WWOX: variants seen among roughly 807,000 people sequenced by gnomAD.
WWOX encodes the protein WW domain-containing oxidoreductase.
In WWOX, 69 loss-of-function variants were observed where a neutral mutation model predicts 46.2. The ratio of observed to expected loss-of-function variants is 1.49; its 90% CI spans 1.23 to 1.82. The LOEUF is 1.82. WWOX is among the 40% of genes most tolerant of loss of function. The pLI is 0.00. For missense variants in WWOX, 919 were observed against 542.6 expected, an observed-to-expected ratio of 1.69 and a Z score of -6.89; for synonymous variants, 359 against 202.6, an observed-to-expected ratio of 1.77 and a Z score of -6.56.
At chr16:78,464,320 G>A (rs1001149679) in intron 8 of WWOX, among the ~76,000 whole-genome samples, 3 of 151,334 alleles carry the variant, frequency 2.0e-5, no homozygotes, top group African/African-American at 7.3e-5. Context: ...GAGGAAAGAG[G>A]GGAAGGGAGG....
chr16:79,141,634 A>T (rs867804021), intron 8 of WWOX, among the ~76,000 whole-genome samples: 24 of 152,328 alleles, frequency 1.6e-4, no homozygotes, highest in African/African-American at 5.5e-4. Context: ...TTGGGGTGAA[A>T]ACACATGACA....
chr16:78,992,906 A>G (rs1163617779), intron 8 of WWOX, among the ~76,000 whole-genome samples: 3 of 151,774 alleles, frequency 2.0e-5, no homozygotes, highest in Admixed American at 1.3e-4. Context: ...TAGTTTATGA[A>G]AAAATATATC....
chr16:78,402,746 T>C (rs914280698), intron 6 of WWOX, among the ~76,000 whole-genome samples: 2 of 152,188 alleles, frequency 1.3e-5, no homozygotes, highest in African/African-American at 4.8e-5. Flanking sequence ...CTAAGTTGGG[T>C]TCAATTATTT....
chr16:78,440,509 C>T (rs370570048), intron 8 of WWOX, among the ~76,000 whole-genome samples: 2 of 152,138 alleles, frequency 1.3e-5, no homozygotes, highest in African/African-American at 4.8e-5. Context: ...CTGCCTGACT[C>T]GTAGTAGCAC....
chr16:78,339,239 T>C lies in WWOX; in HGVS notation c.517-47621T>C, dbSNP rs892432017. On this transcript the variant is annotated intron_variant, in intron 5 of 8. Coordinates refer to ENST00000566780, the MANE Select transcript of WWOX (RefSeq NM_016373.4). ...GTAGCATATCAAGATTATTTTTCTTTCCTGCACCTTATTTTTTCCCTGGAG... is the reference window on the plus strand; with the variant it reads ...GTAGCATATCAAGATTATTTTTCTTCCCTGCACCTTATTTTTTCCCTGGAG... 6.7e-5 allele frequency among the ~76,000 whole-genome samples: 8 copies of C among 119,832 alleles called. 1 individual carries two copies. Among genetic ancestry groups the C allele is most frequent in the African/African-American group, 2.2e-4 (8 of 35,562 alleles). The allele number at this position is 119,832 out of a possible 152,430, so 78.6% of individuals were successfully genotyped here.
At chr16:78,984,686 C>T (rs969314031) in intron 8 of WWOX, among the ~76,000 whole-genome samples, 4 of 152,162 alleles carry the variant, frequency 2.6e-5, no homozygotes, top group African/African-American at 9.7e-5. Context: ...AACCTTCTAC[C>T]AAAAATATCC....
chr16:78,429,513 G>T (rs959540878), intron 7 of WWOX, among the ~76,000 whole-genome samples: 1 of 152,138 alleles, frequency 6.6e-6, no homozygotes, highest in Non-Finnish European at 1.5e-5. Context: ...TGCCAAGAAG[G>T]GTTTCTGGAA....
intron 8 of WWOX, among the ~76,000 whole-genome samples, chr16:78,988,642 A>G (rs1043910737): frequency 6.6e-6 from 1 of 152,150 alleles, no homozygotes; most frequent in Admixed American, 6.5e-5. Flanking sequence ...GAAGTTACTG[A>G]TGTGTTCATA....
chr16:78,433,071 A>T (rs574751198), intron 8 of WWOX, among the ~76,000 whole-genome samples: 2 of 152,196 alleles, frequency 1.3e-5, no homozygotes, highest in African/African-American at 4.8e-5. Flanking sequence ...AAACTTTGAA[A>T]ATCTATTTTG....
At chr16:78,968,126 G>A (rs929014221) in intron 8 of WWOX, among the ~76,000 whole-genome samples, 3 of 7,426 alleles carry the variant, frequency 4.0e-4, no homozygotes, top group East Asian at 3.2e-3. Flanking sequence ...GTGGCACAGC[G>A]CGTGGTCCGT....
chr16:79,211,676 C>T lies in WWOX; in HGVS notation c.1125C>T (p.Tyr375=), dbSNP rs372703745. ...VPELEGLGGM[Y]FNNCCRCMPS... is the part of the protein sequence containing the mutation. Reference sequence around the variant, plus strand: ...AACTGGAGGGTCTGGGAGGGATGTACTTCAACAACTGCTGCCGCTGCATGC... The same window carrying T: ...AACTGGAGGGTCTGGGAGGGATGTATTTCAACAACTGCTGCCGCTGCATGC... The change falls in exon 9 of 9, where the codon TAC becomes TAT. Residue 375 remains tyrosine, a synonymous_variant. Transcript: ENST00000566780. 18 of 1,614,222 alleles carry T rather than the reference C, an allele frequency of 1.1e-5. No homozygotes were observed. In the African/African-American group the frequency reaches 1.7e-4, roughly 16 times the overall value.
At chr16:79,103,718 C>T (rs1450213899) in intron 8 of WWOX, among the ~76,000 whole-genome samples, 1 of 152,016 alleles carries the variant, frequency 6.6e-6, no homozygotes, top group African/African-American at 2.4e-5. Context: ...ATTATTAATC[C>T]TAGATATGTT....
At chr16:78,568,539 G>A (rs1024189069) in intron 8 of WWOX, among the ~76,000 whole-genome samples, 1 of 144,002 alleles carries the variant, frequency 6.9e-6, no homozygotes, top group Non-Finnish European at 1.5e-5. Flanking sequence ...GCAGTGGCCC[G>A]ATCCTGGGTC....
chr16:78,908,951 T>C (rs1297833154), intron 8 of WWOX, among the ~76,000 whole-genome samples: 1 of 152,240 alleles, frequency 6.6e-6, no homozygotes, highest in East Asian at 1.9e-4. Context: ...TAATTTCTAA[T>C]CTTGTGGCTA....
At chr16:78,215,474 T>C (rs1422004343) in intron 5 of WWOX, among the ~76,000 whole-genome samples, 1 of 152,234 alleles carries the variant, frequency 6.6e-6, no homozygotes, top group African/African-American at 2.4e-5. Flanking sequence ...TCATTCTCTT[T>C]CCTGCTGCTT....
chr16:78,954,561 G>A (rs763367416), intron 8 of WWOX, among the ~76,000 whole-genome samples: 17 of 152,180 alleles, frequency 1.1e-4, no homozygotes, highest in Non-Finnish European at 2.4e-4. Flanking sequence ...TACTTGTGGA[G>A]CAGCAGCGAA....
chr16:78,274,756 C>T (rs1405830792), intron 5 of WWOX, among the ~76,000 whole-genome samples: 2 of 152,206 alleles, frequency 1.3e-5, no homozygotes, highest in African/African-American at 4.8e-5. Context: ...TCACCTTAGA[C>T]ACCTTGCTCT....
intron 8 of WWOX, among the ~76,000 whole-genome samples, chr16:79,044,340 G>A (rs928960360): frequency 7.2e-5 from 11 of 152,192 alleles, no homozygotes; most frequent in Non-Finnish European, 1.0e-4. Flanking sequence ...AATCTGCAGC[G>A]TTGGAGGTGG....
intron 8 of WWOX, among the ~76,000 whole-genome samples, chr16:78,742,277 C>G (rs1597528986): frequency 1.3e-5 from 2 of 152,182 alleles, no homozygotes; most frequent in East Asian, 1.9e-4. Flanking sequence ...GGAGACCACT[C>G]AGGACAGGGA....
Sources: allele counts gnomAD v4.1 joint callset (sites outside exome capture counted in the v4.1 genomes callset), GRCh38; gene constraint gnomAD v4.1.1; transcripts MANE v1.5; gene names NCBI Gene and HGNC (gene_info 2026-07-23, HGNC 2026-07-21).